Variants in HPCAL1 observed in about 807,000 individuals in gnomAD.
The protein encoded by HPCAL1 is hippocalcin like 1.
In HPCAL1, 8 loss-of-function variants were observed where a neutral mutation model predicts 17.1. The ratio of observed to expected loss-of-function variants is 0.47; its 90% confidence interval spans 0.27 to 0.84. The LOEUF is 0.84. Ranked by LOEUF, HPCAL1 falls within the 40% of genes least tolerant of loss-of-function variation. HPCAL1 has a pLI of 0.13. For missense variants in HPCAL1, 165 were observed against 271.1 expected (o/e 0.61, Z 2.75); for synonymous variants, 112 against 111.4 (o/e 1.01, Z -0.03).
chr2:10,371,247 A>T (rs995496910), intron 1 of HPCAL1, among the ~76,000 whole-genome samples: 5 of 152,100 alleles, frequency 3.3e-5, no homozygotes, highest in African/African-American at 4.8e-5. Flanking sequence ...TGCCAGTGGG[A>T]CTATACATTG....
At chr2:10,418,686 T>C (rs1670837484) in intron 2 of HPCAL1, among the ~76,000 whole-genome samples, 1 of 152,140 alleles carries the variant, frequency 6.6e-6, no homozygotes, top group Non-Finnish European at 1.5e-5. Flanking sequence ...CAGTTAACTG[T>C]TAATGTAAGA....
At chr2:10,355,758 A>G (rs911098944) in intron 1 of HPCAL1, among the ~76,000 whole-genome samples, 1 of 151,976 alleles carries the variant, frequency 6.6e-6, no homozygotes, top group Admixed American at 6.6e-5. Context: ...ATTAGGCTCC[A>G]CAGAGATGGA....
chr2:10,364,105 G>A (rs1666689646), intron 1 of HPCAL1, among the ~76,000 whole-genome samples: 1 of 152,206 alleles, frequency 6.6e-6, no homozygotes, highest in South Asian at 2.1e-4. Flanking sequence ...AGCTTGCAGT[G>A]ACCTTGGAGA....
chr2:10,348,978 C>T (rs1479896323), intron 1 of HPCAL1, among the ~76,000 whole-genome samples: 3 of 152,190 alleles, frequency 2.0e-5, no homozygotes, highest in East Asian at 1.9e-4. Flanking sequence ...TCTATTTCAG[C>T]GTTTTACTAG....
chr2:10,420,208 G>GATT, intron 3 of HPCAL1, 73 bp downstream of exon 3: 7 of 734,128 alleles, frequency 9.5e-6, no homozygotes, highest in Non-Finnish European at 1.3e-5. Context: ...CCAGCCCAGG[G>GATT]CTTTTTTTTT....
At chr2:10,385,317 G>T (rs1668236459) in intron 1 of HPCAL1, among the ~76,000 whole-genome samples, 1 of 151,872 alleles carries the variant, frequency 6.6e-6, no homozygotes, top group African/African-American at 2.4e-5. Context: ...CAGGACCCCA[G>T]TGCTTCCTAC....
intron 1 of HPCAL1, among the ~76,000 whole-genome samples, chr2:10,391,696 G>A (rs1286200149): frequency 6.6e-6 from 1 of 152,138 alleles, no homozygotes; most frequent in African/African-American, 2.4e-5. Context: ...TATATAGATG[G>A]AATCATACCA....
intron 1 of HPCAL1, among the ~76,000 whole-genome samples, chr2:10,360,086 G>A (rs1482048748): frequency 1.3e-5 from 2 of 152,194 alleles, no homozygotes; most frequent in Admixed American, 1.3e-4. Flanking sequence ...AGCTTTGCTG[G>A]AGGAAGTGCA....
chr2:10,304,540 T>C lies in HPCAL1; in HGVS notation c.-111+1363T>C, dbSNP rs927555276. Among the ~76,000 whole-genome samples the C allele has an allele frequency of 1.3e-5, 2 of 151,884 alleles. No individual in the cohort carries two copies. Among genetic ancestry groups the C allele is most frequent in the African/African-American group, 4.8e-5 (2 of 41,324 alleles). On this transcript the variant is annotated intron_variant, in intron 1 of 4. Transcript: ENST00000307845. The surrounding 1 kb of genome is among the most constrained non-coding windows in gnomAD (Gnocchi z 4.1). ...CTTGCAGCCAGCCTCATGCCGGGGGTGCCACATGGGACACCTCCTCCTAGT... is the reference window on the plus strand; with the variant it reads ...CTTGCAGCCAGCCTCATGCCGGGGGCGCCACATGGGACACCTCCTCCTAGT...
intron 2 of HPCAL1, among the ~76,000 whole-genome samples, chr2:10,399,069 G>C (rs973486076): frequency 2.6e-5 from 4 of 151,808 alleles, no homozygotes; most frequent in Admixed American, 2.0e-4. Flanking sequence ...CCGGCAGGTC[G>C]TGCTGAGGCT....
chr2:10,333,167 G>T (rs1002278753), intron 1 of HPCAL1, among the ~76,000 whole-genome samples: 1 of 152,210 alleles, frequency 6.6e-6, no homozygotes, highest in Non-Finnish European at 1.5e-5. Context: ...GCTAGACAAA[G>T]ATTCTTCTCT....
In HPCAL1 at chr2:10,342,105, G is replaced by A. The variant is rs1665127280; in HGVS notation, c.-111+38928G>A. The stretch of plus-strand genomic sequence containing the variant: ...GGATGACTTGAGCCCAGGAGGTTGA[G>A]GCTACAGTGAGCTCTGATTGTGCCG... On this transcript the variant is annotated intron_variant, in intron 1 of 4. Coordinates refer to ENST00000307845, the MANE Select transcript of HPCAL1 (RefSeq NM_002149.4). The surrounding 1 kb of genome is among the most constrained non-coding windows in gnomAD (Gnocchi z 4.1). Among the ~76,000 whole-genome samples the A allele has an allele frequency of 6.6e-6, 1 of 152,026 alleles. No individual in the cohort carries two copies. The highest frequency in any genetic ancestry group is 2.4e-5 in the African/African-American group (1 of 41,356).
At position 10,420,284 on chromosome 2, in the gene HPCAL1, A is replaced by C. The variant is rs934010323; in HGVS notation, c.378+149A>C. The C allele has an allele frequency of 7.2e-5, 51 of 706,826 alleles. No individual in the cohort carries two copies. In the African/African-American group the frequency reaches 9.2e-4, roughly 13 times the overall value. The allele number at this position is 706,826 out of a possible 1,614,324, so 43.8% of individuals were successfully genotyped here. On this transcript the variant is annotated intron_variant, in intron 3 of 4. Coordinates refer to ENST00000307845, the MANE Select transcript of HPCAL1 (RefSeq NM_002149.4). ...GAGTGCAGTGGCACTATCTCAGCTC[A>C]CTGCAACCTCTGCCTCCTGGGCTCA...
intron 1 of HPCAL1, among the ~76,000 whole-genome samples, chr2:10,327,951 T>G (rs1003651): frequency 0.13 from 20,401 of 152,248 alleles, 3,179 homozygotes; most frequent in African/African-American, 0.38. Context: ...AAGCTTCATG[T>G]ATAAAGGCGC....
At chr2:10,399,256 C>CCACCACCAT in intron 2 of HPCAL1, among the ~76,000 whole-genome samples, 1 of 76,978 alleles carries the variant, frequency 1.3e-5, no homozygotes, top group East Asian at 3.2e-4. Context: ...ACCACCACCA[C>CCACCACCAT]CACCATCACC....
At chr2:10,313,400 C>T (rs1022712840) in intron 1 of HPCAL1, among the ~76,000 whole-genome samples, 7 of 152,192 alleles carry the variant, frequency 4.6e-5, no homozygotes, top group Non-Finnish European at 8.8e-5. Flanking sequence ...ACTGAACCAC[C>T]CCCCAATTCC....
rs1426325635 is a variant in HPCAL1 at position 10,367,599 on chromosome 2, C to T, written c.-110-29236C>T. Among the ~76,000 whole-genome samples the T allele has an allele frequency of 6.6e-6, 1 of 152,172 alleles. No individual in the cohort carries two copies. Among genetic ancestry groups the T allele is most frequent in the Non-Finnish European group, 1.5e-5 (1 of 68,022 alleles). The stretch of plus-strand genomic sequence containing the variant: ...TCATAATAGCAACAACAATCACTGT[C>T]ATCCCACGGGTTGGTTTAGATGTAA... On this transcript the variant is annotated intron_variant, in intron 1 of 4. Transcript: ENST00000307845. The surrounding 1 kb of genome is among the most constrained non-coding windows in gnomAD (Gnocchi z 4.4).
At chr2:10,364,648 G>A (rs1472893241) in intron 1 of HPCAL1, among the ~76,000 whole-genome samples, 1 of 151,338 alleles carries the variant, frequency 6.6e-6, no homozygotes, top group African/African-American at 2.4e-5. Flanking sequence ...GCGGTGGTGC[G>A]ATCATGGCTC....
At chr2:10,385,888 G>C (rs927511583) in intron 1 of HPCAL1, among the ~76,000 whole-genome samples, 1 of 149,142 alleles carries the variant, frequency 6.7e-6, no homozygotes, top group African/African-American at 2.5e-5. Context: ...TGATTTGTCG[G>C]CCTCGTGTCG....
Sources: gnomAD v4.1 joint callset for allele counts (sites outside exome capture counted in the v4.1 genomes callset) on GRCh38, gnomAD v4.1.1 for gene constraint, Gnocchi (gnomAD v3.1) non-coding constraint, MANE v1.5 for transcripts, NCBI Gene and HGNC (gene_info 2026-07-23, HGNC 2026-07-21) for gene names.